The following CSMD3 variants were observed in gnomAD, a reference collection of about 807,000 sequenced individuals.
CSMD3 encodes the protein CUB and Sushi multiple domains 3.
CSMD3 carries 177 observed loss-of-function variants against 435.2 expected under a neutral mutation model. That is an observed-to-expected ratio of 0.41 (90% CI 0.36 to 0.46). CSMD3 has a LOEUF of 0.46. Among genes scored for constraint, CSMD3 ranks in the 20% least tolerant of loss-of-function variants. CSMD3 has a pLI of 0.34. For missense variants in CSMD3, 4,265 were observed against 4,504.6 expected (o/e 0.95, Z 1.52); for synonymous variants, 1,656 against 1,520.5 (o/e 1.09, Z -2.07).
At chr8:112,572,732 T>G (rs913586182) in intron 24 of CSMD3, among the ~76,000 whole-genome samples, 2 of 152,092 alleles carry the variant, frequency 1.3e-5, no homozygotes, top group Non-Finnish European at 2.9e-5. Context: ...ATTTATCAAA[T>G]ACATAGGAAG....
chr8:112,314,158 C>T (rs896122989), intron 48 of CSMD3, 106 bp from the exon 49 acceptor site: 18 of 859,684 alleles, frequency 2.1e-5, no homozygotes, highest in Non-Finnish European at 3.0e-5. Flanking sequence ...AATTGCTTCA[C>T]CACCAATCTA....
chr8:112,946,164 T>A (rs1421046081), intron 9 of CSMD3, among the ~76,000 whole-genome samples: 2 of 151,844 alleles, frequency 1.3e-5, no homozygotes, highest in African/African-American at 4.8e-5. Context: ...TAAATATTAA[T>A]GTCATCAGTA....
chr8:113,316,441 T>C (rs1299575140), intron 1 of CSMD3, among the ~76,000 whole-genome samples: 1 of 152,186 alleles, frequency 6.6e-6, no homozygotes, highest in African/African-American at 2.4e-5. Flanking sequence ...GAGTTGTAGA[T>C]TATGGCAGAT....
intron 3 of CSMD3, among the ~76,000 whole-genome samples, chr8:113,235,223 G>A (rs144445900): frequency 2.6e-5 from 4 of 152,226 alleles, no homozygotes; most frequent in African/African-American, 9.6e-5. Context: ...CCTTCATGAA[G>A]AAAGCTCTAG....
intron 4 of CSMD3, among the ~76,000 whole-genome samples, chr8:113,135,509 C>T (rs770237344): frequency 6.6e-6 from 1 of 151,724 alleles, no homozygotes; most frequent in East Asian, 1.9e-4. Context: ...TTTGAGTAGA[C>T]TATAGTTCTA....
rs1224134736 is a variant in CSMD3, at chr8:113,303,316, C to T, written c.401+11255G>A. On this transcript the variant is annotated intron_variant, in intron 2 of 70. Transcript: ENST00000297405. ...GCTCATGGGTAGGAAGAATCAATAT[C>T]GTGAAAATGGCCATACTACCCAAGG... 2.3e-3 allele frequency among the ~76,000 whole-genome samples: 340 copies of T among 144,808 alleles called. 2 individuals are homozygous for T. The highest frequency in any genetic ancestry group is 8.1e-3 in the African/African-American group (316 of 38,924). The allele number at this position is 144,808 out of a possible 152,430, so 95.0% of individuals were successfully genotyped here. A position where few individuals can be genotyped will look rare whatever the true frequency, so the allele number is the denominator to read the frequency against.
intron 4 of CSMD3, among the ~76,000 whole-genome samples, chr8:113,146,769 T>C (rs1283342774): frequency 6.6e-6 from 1 of 151,518 alleles, no homozygotes; most frequent in African/African-American, 2.4e-5. Flanking sequence ...AAACATATAG[T>C]GGTTTTTGGT....
chr8:113,062,429 G>A (rs1325699874), intron 5 of CSMD3, among the ~76,000 whole-genome samples: 4 of 151,840 alleles, frequency 2.6e-5, no homozygotes, highest in African/African-American at 7.2e-5. Flanking sequence ...GAAATGAAAC[G>A]TATTTGTTAG....
At chr8:113,264,460 T>C (rs2093452085) in intron 3 of CSMD3, among the ~76,000 whole-genome samples, 1 of 151,224 alleles carries the variant, frequency 6.6e-6, no homozygotes, top group Non-Finnish European at 1.5e-5. Flanking sequence ...ATAAGTTTGA[T>C]CACTTTATTT....
chr8:112,537,258 T>C (rs1323825248), intron 27 of CSMD3, among the ~76,000 whole-genome samples: 2 of 151,810 alleles, frequency 1.3e-5, no homozygotes, highest in Admixed American at 1.3e-4. Flanking sequence ...ACAACAGCAG[T>C]ACTAATTTAT....
chr8:112,591,697 A>G (rs1339950033), intron 22 of CSMD3, among the ~76,000 whole-genome samples: 1 of 152,100 alleles, frequency 6.6e-6, no homozygotes. Flanking sequence ...GAGTAGCATT[A>G]AGCAGAAATA....
intron 16 of CSMD3, among the ~76,000 whole-genome samples, chr8:112,676,194 T>C (rs2075766251): frequency 6.6e-6 from 1 of 152,040 alleles, no homozygotes; most frequent in Admixed American, 6.6e-5. Flanking sequence ...CATATAAGTC[T>C]ACATTTCAGG....
intron 17 of CSMD3, among the ~76,000 whole-genome samples, chr8:112,656,569 G>A (rs72678437): frequency 0.16 from 24,916 of 151,854 alleles, 2,146 homozygotes; most frequent in Middle Eastern, 0.36. Flanking sequence ...GTTATGTATT[G>A]TTCCTAAGAT....
intron 10 of CSMD3, among the ~76,000 whole-genome samples, chr8:112,899,905 A>C (rs1409773970): frequency 1.3e-5 from 2 of 150,716 alleles, no homozygotes; most frequent in African/African-American, 4.9e-5. Flanking sequence ...GCTTAACAGG[A>C]TTATTGTATG....
chr8:112,883,485 T>C lies in CSMD3; in HGVS notation c.1634-24219A>G, dbSNP rs538549764. ...AAATAGGTAGTGTTTTTCTAACAAATAGTTTAAAAAATAAAAATCACTTAC... is the reference window on the plus strand; with the variant it reads ...AAATAGGTAGTGTTTTTCTAACAAACAGTTTAAAAAATAAAAATCACTTAC... On this transcript the variant is annotated intron_variant, in intron 10 of 70. Coordinates refer to ENST00000297405, the MANE Select transcript of CSMD3 (RefSeq NM_198123.2). 6.6e-5 allele frequency among the ~76,000 whole-genome samples: 10 copies of C among 152,112 alleles called. No homozygotes were observed. The East Asian group carries it at 1.9e-3, about 30-fold the overall frequency.
At chr8:113,145,045 A>C (rs1432939274) in intron 4 of CSMD3, among the ~76,000 whole-genome samples, 1 of 151,424 alleles carries the variant, frequency 6.6e-6, no homozygotes, top group Non-Finnish European at 1.5e-5. Flanking sequence ...TGTCTGGGGA[A>C]GGATTTTCCA....
At chr8:113,163,187 T>C (rs561517020) in intron 4 of CSMD3, among the ~76,000 whole-genome samples, 66 of 152,286 alleles carry the variant, frequency 4.3e-4, no homozygotes, top group African/African-American at 1.4e-3. Context: ...TCGGATGCTG[T>C]GTTTTGAAAA....
intron 1 of CSMD3, among the ~76,000 whole-genome samples, chr8:113,330,776 A>T (rs2094021631): frequency 6.6e-6 from 1 of 151,964 alleles, no homozygotes; most frequent in Non-Finnish European, 1.5e-5. Context: ...TTCTCAAAAT[A>T]CATGGAAAAA....
intron 18 of CSMD3, among the ~76,000 whole-genome samples, chr8:112,652,829 A>G (rs867025083): frequency 6.6e-6 from 1 of 151,750 alleles, no homozygotes; most frequent in South Asian, 2.1e-4. Context: ...TTTTTTTTTT[A>G]GACAGAGTCT....
Sources: gnomAD v4.1 joint callset for allele counts (sites outside exome capture counted in the v4.1 genomes callset) on GRCh38, gnomAD v4.1.1 for gene constraint, MANE v1.5 for transcripts, NCBI Gene and HGNC (gene_info 2026-07-23, HGNC 2026-07-21) for gene names.